The following MCTP2 variants were observed in gnomAD, a reference collection of about 807,000 sequenced individuals.
MCTP2 encodes multiple C2 and transmembrane domain containing 2.
In MCTP2, 132 loss-of-function variants were observed where a neutral mutation model predicts 111.6. That is an observed-to-expected ratio of 1.18 (90% CI 1.03 to 1.37). The LOEUF (loss-of-function observed/expected upper bound fraction) is 1.37, where lower values mean the gene tolerates loss of function less well. Among genes scored for constraint, MCTP2 ranks in the 40% most tolerant of loss-of-function variants. The pLI, the probability that MCTP2 is intolerant of heterozygous loss-of-function variation, is 0.00. For missense variants in MCTP2, 1,183 were observed against 1,067.9 expected (o/e 1.11, Z -1.50); for synonymous variants, 395 against 387.7 (o/e 1.02, Z -0.22).
chr15:94,340,944 C>G lies in MCTP2; in HGVS notation c.969+20C>G, dbSNP rs993228526. ...AGACACGTAAGTGGGACCTTCTATT[C>G]TTTTGAAACCTCTCATTTTGTCGTT... is the stretch of plus-strand genomic sequence containing the variant. On this transcript the variant is annotated intron_variant, in intron 7 of 22. Transcript: ENST00000357742. The G allele has an allele frequency of 2.1e-6, 3 of 1,441,862 alleles. No individual in the cohort carries two copies. The highest frequency in any genetic ancestry group is 3.4e-5 in the Admixed American group (2 of 59,674). The allele number at this position is 1,441,862 out of a possible 1,614,324, so 89.3% of individuals were successfully genotyped here.
intron 12 of MCTP2, among the ~76,000 whole-genome samples, chr15:94,383,018 A>T (rs1023267115): frequency 7.2e-5 from 11 of 152,186 alleles, no homozygotes; most frequent in Non-Finnish European, 1.0e-4. Context: ...ATAGCGTAGA[A>T]AGAGGAGAGG....
chr15:94,259,261 A>T (rs1464028133), intron 1 of MCTP2, among the ~76,000 whole-genome samples: 1 of 152,190 alleles, frequency 6.6e-6, no homozygotes, highest in Non-Finnish European at 1.5e-5. Flanking sequence ...AATAAAGCTC[A>T]TCGAACTCCA....
intron 19 of MCTP2, among the ~76,000 whole-genome samples, chr15:94,454,853 C>T (rs562405559): frequency 1.3e-5 from 2 of 152,292 alleles, no homozygotes; most frequent in Admixed American, 1.3e-4. Flanking sequence ...TGGAGTCTCG[C>T]TCTGTGGCCC....
chr15:94,294,918 C>A (rs2075190500), intron 1 of MCTP2, among the ~76,000 whole-genome samples: 1 of 134,454 alleles, frequency 7.4e-6, no homozygotes. Flanking sequence ...AAACTTTTTT[C>A]TCTTTATTTT....
chr15:94,329,871 T>G (rs1321925792), intron 4 of MCTP2, among the ~76,000 whole-genome samples: 1 of 152,192 alleles, frequency 6.6e-6, no homozygotes, highest in African/African-American at 2.4e-5. Context: ...ACCCTTCCAT[T>G]AACTAGAGTC....
intron 4 of MCTP2, among the ~76,000 whole-genome samples, chr15:94,335,803 C>T (rs969908364): frequency 2.0e-5 from 3 of 152,266 alleles, no homozygotes; most frequent in Admixed American, 6.5e-5. Context: ...GAGCAGAGCT[C>T]CAAGGAATGT....
At chr15:94,392,214 T>A (rs1195262471) in intron 14 of MCTP2, among the ~76,000 whole-genome samples, 1 of 151,646 alleles carries the variant, frequency 6.6e-6, no homozygotes, top group Non-Finnish European at 1.5e-5. Flanking sequence ...CACTAAAAAA[T>A]ACAAAAAATT....
At chr15:94,446,810 T>G (rs1398768034) in intron 19 of MCTP2, among the ~76,000 whole-genome samples, 1 of 152,258 alleles carries the variant, frequency 6.6e-6, no homozygotes, top group Non-Finnish European at 1.5e-5. Flanking sequence ...ACTTGAATGA[T>G]CTGTCCTTTT....
intron 8 of MCTP2, among the ~76,000 whole-genome samples, chr15:94,352,312 G>A (rs1176169725): frequency 1.3e-5 from 2 of 152,190 alleles, no homozygotes; most frequent in Non-Finnish European, 2.9e-5. Flanking sequence ...AAGTTAATAT[G>A]TTTCTAACTG....
At chr15:94,243,837 T>A (rs1263660731) in intron 1 of MCTP2, among the ~76,000 whole-genome samples, 2 of 147,562 alleles carry the variant, frequency 1.4e-5, no homozygotes, top group Non-Finnish European at 3.0e-5. Flanking sequence ...ATGTATATAT[T>A]TATGTACACA....
chr15:94,460,054 C>T (rs144626028), intron 20 of MCTP2, among the ~76,000 whole-genome samples: 2 of 152,288 alleles, frequency 1.3e-5, no homozygotes, highest in East Asian at 1.9e-4. Flanking sequence ...CTGTCCTCCT[C>T]ATTACTACAC....
intron 12 of MCTP2, among the ~76,000 whole-genome samples, chr15:94,382,733 G>A (rs762749659): frequency 1.3e-5 from 2 of 152,260 alleles, no homozygotes; most frequent in Admixed American, 1.3e-4. Flanking sequence ...CCTGGCCTGG[G>A]ACTCCTTGGC....
chr15:94,475,646 C>G (rs1027180386), intron 21 of MCTP2, among the ~76,000 whole-genome samples: 1 of 152,124 alleles, frequency 6.6e-6, no homozygotes, highest in Non-Finnish European at 1.5e-5. Context: ...CACCCTGTGG[C>G]AAAACTTCAG....
chr15:94,275,333 G>T (rs1256210275), intron 1 of MCTP2, among the ~76,000 whole-genome samples: 1 of 152,078 alleles, frequency 6.6e-6, no homozygotes, highest in Non-Finnish European at 1.5e-5. Flanking sequence ...TTAGTCACAG[G>T]TGATCAGGTT....
intron 17 of MCTP2, among the ~76,000 whole-genome samples, chr15:94,424,126 A>C (rs890206872): frequency 6.6e-5 from 10 of 152,222 alleles, no homozygotes; most frequent in African/African-American, 2.2e-4. Context: ...AGGTTTTAGA[A>C]ATCATAAAAA....
rs1223994609 is a variant in MCTP2 at position 94,339,429 on chromosome 15, G to A, written c.777G>A (p.Val259=). 6.3e-7 allele frequency: 1 copy of A among 1,593,332 alleles called. No homozygotes were observed. The highest frequency in any genetic ancestry group is 8.5e-7 in the Non-Finnish European group (1 of 1,172,330). ...AAAGCCTTGATCAAAAGCTACGTGTGAAGGTAATCACAGATAGCTTTCAAA... is the reference window on the plus strand; with the variant it reads ...AAAGCCTTGATCAAAAGCTACGTGTAAAGGTAATCACAGATAGCTTTCAAA... The part of the protein sequence containing the change: ...PIQSLDQKLR[V]KVYDRDLTTS... Residue 259 remains valine, a synonymous_variant, in exon 5 of 23, where the codon GTG becomes GTA. Transcript: ENST00000357742.
At chr15:94,331,510 G>T (rs1029844041) in intron 4 of MCTP2, among the ~76,000 whole-genome samples, 1 of 152,136 alleles carries the variant, frequency 6.6e-6, no homozygotes, top group Non-Finnish European at 1.5e-5. Flanking sequence ...GGGGGGCTGT[G>T]GTGCAGGGAA....
chr15:94,243,210 C>G (rs1254268656), intron 1 of MCTP2, among the ~76,000 whole-genome samples: 2 of 147,780 alleles, frequency 1.4e-5, no homozygotes, highest in Non-Finnish European at 3.0e-5. Flanking sequence ...TGCGTATATA[C>G]GTATATACAT....
chr15:94,283,824 T>G (rs1010932835), intron 1 of MCTP2, among the ~76,000 whole-genome samples: 5 of 152,180 alleles, frequency 3.3e-5, no homozygotes, highest in African/African-American at 1.2e-4. Flanking sequence ...TAAAACCATA[T>G]GCATTGCACA....
Sources: allele counts gnomAD v4.1 joint callset (sites outside exome capture counted in the v4.1 genomes callset), GRCh38; gene constraint gnomAD v4.1.1; transcripts MANE v1.5; gene names NCBI Gene and HGNC (gene_info 2026-07-23, HGNC 2026-07-21).